PLEKHH2: variants seen among roughly 807,000 people sequenced by gnomAD.
PLEKHH2 encodes the protein pleckstrin homology domain-containing family H member 2.
In PLEKHH2, 129 loss-of-function variants were observed where a neutral mutation model predicts 187.9. That is an observed-to-expected ratio of 0.69 (90% CI 0.59 to 0.79). The LOEUF is 0.79. PLEKHH2 is among the 30% of genes least tolerant of loss of function. PLEKHH2 has a pLI of 0.00. For synonymous variants in PLEKHH2, 686 were observed against 605.6 expected, an observed-to-expected ratio of 1.13 and a Z score of -1.95; for missense variants, 2,076 against 1,751.2, an observed-to-expected ratio of 1.19 and a Z score of -3.31.
chr2:43,638,781 TGG>T (rs1703237173), intron 1 of PLEKHH2, among the ~76,000 whole-genome samples: 1 of 150,622 alleles, frequency 6.6e-6, no homozygotes, highest in Admixed American at 6.7e-5. Context: ...CTACCCAAGA[TGG>T]TGCACTAATA....
chr2:43,696,879 CTGTT>C (rs1669119363), intron 6 of PLEKHH2, among the ~76,000 whole-genome samples: 2 of 152,298 alleles, frequency 1.3e-5, no homozygotes, highest in East Asian at 3.9e-4. Context: ...TATTTATAAT[CTGTT>C]TGTGTTTTGT....
chr2:43,704,289 T>C (rs1669539411), intron 9 of PLEKHH2, among the ~76,000 whole-genome samples: 1 of 152,046 alleles, frequency 6.6e-6, no homozygotes, highest in South Asian at 2.1e-4. Context: ...CATTTCAGAT[T>C]TGCAAAATGA....
At chr2:43,651,312 C>A (rs886580979) in intron 2 of PLEKHH2, among the ~76,000 whole-genome samples, 4 of 152,082 alleles carry the variant, frequency 2.6e-5, no homozygotes, top group African/African-American at 9.7e-5. Flanking sequence ...TGTGATCCAC[C>A]CGCCTCGGCC....
At chr2:43,683,391 G>A (rs1668334020) in intron 3 of PLEKHH2, among the ~76,000 whole-genome samples, 1 of 151,824 alleles carries the variant, frequency 6.6e-6, no homozygotes. Context: ...CGCCCACCTT[G>A]GCCTCCCAGA....
chr2:43,740,213 A>G (rs1355875775), intron 20 of PLEKHH2, among the ~76,000 whole-genome samples: 9 of 152,214 alleles, frequency 5.9e-5, no homozygotes, highest in Admixed American at 5.9e-4. Context: ...CTACTTTTAC[A>G]TTTATTTACT....
At chr2:43,674,950 A>C (rs1572527124) in intron 2 of PLEKHH2, among the ~76,000 whole-genome samples, 1 of 150,548 alleles carries the variant, frequency 6.6e-6, no homozygotes, top group African/African-American at 2.5e-5. Context: ...GTGCCACTGC[A>C]CTCCAGCCTG....
intron 16 of PLEKHH2, among the ~76,000 whole-genome samples, chr2:43,721,464 A>T (rs1670477545): frequency 6.6e-6 from 1 of 152,082 alleles, no homozygotes; most frequent in African/African-American, 2.4e-5. Context: ...ACCACATGGG[A>T]CAGTTAGTAT....
chr2:43,687,864 A>G (rs1261512713), intron 3 of PLEKHH2, among the ~76,000 whole-genome samples: 1 of 151,786 alleles, frequency 6.6e-6, no homozygotes, highest in Non-Finnish European at 1.5e-5. Flanking sequence ...CAGCATGATC[A>G]TGGCTCTCTG....
chr2:43,653,668 C>T (rs1363208311), intron 2 of PLEKHH2, among the ~76,000 whole-genome samples: 4 of 152,146 alleles, frequency 2.6e-5, no homozygotes, highest in Non-Finnish European at 5.9e-5. Context: ...ACCAATTGAG[C>T]CTGGCACAGG....
chr2:43,681,378 C>G, intron 3 of PLEKHH2: 1 of 1,493,690 alleles, frequency 6.7e-7, no homozygotes, highest in East Asian at 2.3e-5. Flanking sequence ...TTGGCTGCTA[C>G]TGGAAGGTTC....
chr2:43,648,560 C>CGTGTGT (rs71410194), intron 2 of PLEKHH2, among the ~76,000 whole-genome samples: 12,853 of 137,806 alleles, frequency 0.093, 694 homozygotes, highest in Non-Finnish European at 0.12. Context: ...TAATTACATT[C>CGTGTGT]GTGTGTGTGT....
intron 2 of PLEKHH2, among the ~76,000 whole-genome samples, chr2:43,657,545 C>G (rs533470556): frequency 6.6e-6 from 1 of 152,308 alleles, no homozygotes; most frequent in South Asian, 2.1e-4. Context: ...AAGCCCATCA[C>G]AGGGTGGCCC....
chr2:43,742,871 T>C lies in PLEKHH2; in HGVS notation c.3352T>C (p.Ser1118Pro). Reference sequence around the variant, plus strand: ...TCTTCTCCGAAACCCTTATCACCATTCTTTGCCCTTTAGTATACCTGTGCA... The same window carrying C: ...TCTTCTCCGAAACCCTTATCACCATCCTTTGCCCTTTAGTATACCTGTGCA... ...STLLRNPYHH[S>P]LPFSIPVHFM... Residue 1118 changes from serine (S) to proline (P), a missense_variant, in exon 22 of 30, where the codon TCT (serine) becomes CCT (proline). Ser to Pro is a moderately conservative substitution (Grantham distance 74, BLOSUM62 -1). Transcript: ENST00000282406. 1 of 1,607,020 alleles carries C rather than the reference T, an allele frequency of 6.2e-7. No homozygotes were observed. The highest frequency in any genetic ancestry group is 8.5e-7 in the Non-Finnish European group (1 of 1,177,500).
intron 21 of PLEKHH2, among the ~76,000 whole-genome samples, chr2:43,742,258 T>C (rs1223225249): frequency 6.6e-6 from 1 of 152,014 alleles, no homozygotes; most frequent in African/African-American, 2.4e-5. Flanking sequence ...CACTTCAGCC[T>C]CCCAAAGTGC....
intron 3 of PLEKHH2, among the ~76,000 whole-genome samples, chr2:43,685,303 C>G (rs1393825867): frequency 6.6e-6 from 1 of 152,204 alleles, no homozygotes; most frequent in African/African-American, 2.4e-5. Context: ...CTTTGTTTAT[C>G]AATGAATGGC....
At chr2:43,702,473 C>CAG (rs1669421485) in intron 8 of PLEKHH2, among the ~76,000 whole-genome samples, 2 of 143,290 alleles carry the variant, frequency 1.4e-5, no homozygotes, top group East Asian at 4.0e-4. Context: ...TTGAGATTTT[C>CAG]AGAGATTTAG....
intron 3 of PLEKHH2, among the ~76,000 whole-genome samples, chr2:43,690,472 T>C (rs969282869): frequency 2.6e-5 from 4 of 152,154 alleles, no homozygotes; most frequent in Non-Finnish European, 5.9e-5. Flanking sequence ...CTGGCATTCA[T>C]GGTTCAAAAA....
chr2:43,705,251 CTTTTTTTTT>C (rs5830767), intron 9 of PLEKHH2, among the ~76,000 whole-genome samples: 1 of 95,868 alleles, frequency 1.0e-5, no homozygotes, highest in African/African-American at 4.3e-5. Flanking sequence ...AAATTTTATC[CTTTTTTTTT>C]TTTTTTTTTT....
intron 23 of PLEKHH2, 123 bp downstream of exon 23, chr2:43,744,112 T>A: frequency 7.0e-7 from 1 of 1,425,420 alleles, no homozygotes; most frequent in Non-Finnish European, 9.2e-7. Flanking sequence ...ACCAATCTAA[T>A]CTCCACGATA....
Sources: gnomAD v4.1 joint callset for allele counts (sites outside exome capture counted in the v4.1 genomes callset) on GRCh38, gnomAD v4.1.1 for gene constraint, MANE v1.5 for transcripts, NCBI Gene and HGNC (gene_info 2026-07-23, HGNC 2026-07-21) for gene names.